The following CLVS1 variants were observed in gnomAD, a reference collection of about 807,000 sequenced individuals.
CLVS1 encodes the protein clavesin-1.
A neutral mutation model predicts 33.1 loss-of-function variants in CLVS1; 10 were observed. The observed-to-expected ratio is 0.30, with a 90% CI of 0.19 to 0.51. CLVS1 has a LOEUF of 0.51. Ranked by LOEUF, CLVS1 falls within the 20% of genes least tolerant of loss-of-function variation. CLVS1 has a pLI of 0.97. For missense variants in CLVS1, 343 were observed against 433.4 expected, an observed-to-expected ratio of 0.79 and a Z score of 1.85; for synonymous variants, 163 against 166.1, an observed-to-expected ratio of 0.98 and a Z score of 0.14.
intron 2 of CLVS1, among the ~76,000 whole-genome samples, chr8:61,375,247 ATT>A (rs34479292): frequency 0.017 from 2,226 of 133,342 alleles, 44 homozygotes; most frequent in African/African-American, 0.049. Flanking sequence ...AGTGGCTTGC[ATT>A]TTTTTTTTTT....
chr8:60,983,526 T>C, the CLVS1 span, among the ~76,000 whole-genome samples: 1 of 152,216 alleles, frequency 6.6e-6, no homozygotes, highest in African/African-American at 2.4e-5. Context: ...AATGATCATC[T>C]GTCCTAGACA....
At chr8:61,250,480 T>C (rs1808915875) in intron 2 of CLVS1, among the ~76,000 whole-genome samples, 1 of 152,220 alleles carries the variant, frequency 6.6e-6, no homozygotes, top group Non-Finnish European at 1.5e-5. Context: ...TTGATGGGGA[T>C]AGCATTGAAT....
intron 2 of CLVS1, among the ~76,000 whole-genome samples, chr8:61,147,312 T>C (rs1036352987): frequency 2.6e-5 from 4 of 152,202 alleles, no homozygotes; most frequent in Non-Finnish European, 5.9e-5. Flanking sequence ...CAAGAGATTT[T>C]TCACTTGTTT....
intron 5 of CLVS1, among the ~76,000 whole-genome samples, chr8:61,462,578 G>T (rs1166890235): frequency 6.6e-6 from 1 of 152,146 alleles, no homozygotes; most frequent in Admixed American, 6.5e-5. Flanking sequence ...GTTGTGCTGG[G>T]CATGAAAACA....
At chr8:61,114,226 G>A (rs1311503941) in intron 1 of CLVS1, among the ~76,000 whole-genome samples, 1 of 152,170 alleles carries the variant, frequency 6.6e-6, no homozygotes, top group Non-Finnish European at 1.5e-5. Context: ...TTTACAACAG[G>A]TGGCAGACTA....
At chr8:61,329,019 C>T (rs1223346087) in intron 2 of CLVS1, among the ~76,000 whole-genome samples, 1 of 152,096 alleles carries the variant, frequency 6.6e-6, no homozygotes, top group African/African-American at 2.4e-5. Context: ...TTTATCTTGT[C>T]TTTATTTGCA....
At chr8:61,359,347 G>A (rs1178784337) in intron 2 of CLVS1, among the ~76,000 whole-genome samples, 1 of 152,008 alleles carries the variant, frequency 6.6e-6, no homozygotes, top group Non-Finnish European at 1.5e-5. Flanking sequence ...AATGATGCTA[G>A]AAAAGACTTT....
At chr8:61,178,739 G>A (rs1807168940) in intron 2 of CLVS1, among the ~76,000 whole-genome samples, 1 of 152,042 alleles carries the variant, frequency 6.6e-6, no homozygotes, top group Non-Finnish European at 1.5e-5. Context: ...TTCATATCCG[G>A]ACAAACTAAG....
chr8:61,268,529 C>A (rs1456052921), intron 2 of CLVS1, among the ~76,000 whole-genome samples: 2 of 148,804 alleles, frequency 1.3e-5, no homozygotes, highest in Admixed American at 1.3e-4. Context: ...TGGGTATATA[C>A]CCAGTAATGG....
At chr8:60,966,368 C>T in the CLVS1 span, 1 of 455,954 alleles carries the variant, frequency 2.2e-6, no homozygotes, top group Non-Finnish European at 4.4e-6. Context: ...AGAATCACCC[C>T]AGGACTTATC....
chr8:61,122,202 AC>A (rs1805883757), intron 1 of CLVS1, among the ~76,000 whole-genome samples: 1 of 152,254 alleles, frequency 6.6e-6, no homozygotes, highest in African/African-American at 2.4e-5. Context: ...GCTTATAAGT[AC>A]AGAGCAAGAT....
At chr8:61,442,384 T>C (rs1816585667) in intron 3 of CLVS1, among the ~76,000 whole-genome samples, 1 of 152,214 alleles carries the variant, frequency 6.6e-6, no homozygotes, top group South Asian at 2.1e-4. Context: ...TTATTACAAA[T>C]AGAGCTGCTG....
chr8:61,145,037 C>CT (rs2129293823), intron 2 of CLVS1, among the ~76,000 whole-genome samples: 2 of 152,302 alleles, frequency 1.3e-5, no homozygotes, highest in African/African-American at 4.8e-5. Context: ...GGCCAATGAG[C>CT]TTTTTTCCAT....
At chr8:61,143,565 A>G (rs1299506626) in intron 2 of CLVS1, among the ~76,000 whole-genome samples, 1 of 152,014 alleles carries the variant, frequency 6.6e-6, no homozygotes, top group African/African-American at 2.4e-5. Flanking sequence ...TAGGACTCCC[A>G]TAAAGAGAGT....
At position 61,363,918 on chromosome 8, in the gene CLVS1, G is replaced by T. The variant is rs74691149; in HGVS notation, c.456-12687G>T. On this transcript the variant is annotated intron_variant, in intron 2 of 5. Coordinates refer to ENST00000325897, the MANE Select transcript of CLVS1 (RefSeq NM_173519.3). Reference sequence around the variant, plus strand: ...AGGGGCGCCATGGGTGTGTCTGTGGGCCCTTCTCTAGAAAAATCCTAAGAA... The same window carrying T: ...AGGGGCGCCATGGGTGTGTCTGTGGTCCCTTCTCTAGAAAAATCCTAAGAA... Among the ~76,000 whole-genome samples, 10 of 152,182 alleles carry T rather than the reference G, an allele frequency of 6.6e-5. No individual in the cohort carries two copies. In the East Asian group the frequency reaches 1.9e-3, roughly 29 times the overall value.
intron 3 of CLVS1, among the ~76,000 whole-genome samples, chr8:61,413,892 C>T (rs561520364): frequency 3.9e-5 from 6 of 152,348 alleles, no homozygotes; most frequent in African/African-American, 1.4e-4. Flanking sequence ...CAGGTGCCTC[C>T]TTAATCCCAA....
At chr8:61,145,753 T>C (rs1806403552) in intron 2 of CLVS1, among the ~76,000 whole-genome samples, 1 of 152,172 alleles carries the variant, frequency 6.6e-6, no homozygotes, top group South Asian at 2.1e-4. Flanking sequence ...CTGGAAACGA[T>C]TGTGGTCAGT....
At chr8:61,249,601 A>G (rs1808891117) in intron 2 of CLVS1, among the ~76,000 whole-genome samples, 1 of 152,136 alleles carries the variant, frequency 6.6e-6, no homozygotes, top group African/African-American at 2.4e-5. Flanking sequence ...TGACTTTTTA[A>G]TGATTGCCAT....
the CLVS1 span, among the ~76,000 whole-genome samples, chr8:61,030,120 C>T: frequency 6.6e-6 from 1 of 152,194 alleles, no homozygotes; most frequent in African/African-American, 2.4e-5. Flanking sequence ...GTGGGGATGG[C>T]CATGTGTTGA....
Sources: allele counts gnomAD v4.1 joint callset (sites outside exome capture counted in the v4.1 genomes callset), GRCh38; gene constraint gnomAD v4.1.1; transcripts MANE v1.5; gene names NCBI Gene and HGNC (gene_info 2026-07-23, HGNC 2026-07-21).